TMEM163: variants seen among roughly 807,000 people sequenced by gnomAD.
TMEM163 encodes the protein transmembrane protein 163.
TMEM163 carries 17 observed loss-of-function variants against 29.3 expected under a neutral mutation model. The observed-to-expected ratio is 0.58, with a 90% CI of 0.40 to 0.87. TMEM163 has a LOEUF of 0.87. Among genes scored for constraint, TMEM163 ranks in the 40% least tolerant of loss-of-function variants. TMEM163 has a pLI of 0.00. For missense variants in TMEM163, 303 were observed against 381.5 expected, an observed-to-expected ratio of 0.79 and a Z score of 1.71; for synonymous variants, 157 against 160.6, an observed-to-expected ratio of 0.98 and a Z score of 0.17.
chr2:134,658,035 T>A (rs1188245539), intron 2 of TMEM163, among the ~76,000 whole-genome samples: 1 of 152,106 alleles, frequency 6.6e-6, no homozygotes, highest in African/African-American at 2.4e-5. Context: ...AAATAAACAT[T>A]TGCTTTAGAA....
At chr2:134,660,174 C>T (rs1207567103) in intron 2 of TMEM163, among the ~76,000 whole-genome samples, 3 of 151,976 alleles carry the variant, frequency 2.0e-5, no homozygotes, top group African/African-American at 7.3e-5. Flanking sequence ...CACCCAGATG[C>T]CATGGTGGAG....
chr2:134,714,601 A>G (rs1684998787), intron 1 of TMEM163, among the ~76,000 whole-genome samples: 2 of 152,220 alleles, frequency 1.3e-5, no homozygotes, highest in Non-Finnish European at 2.9e-5. Flanking sequence ...AAAACAAGCC[A>G]GAATGTCAAG....
At chr2:134,666,218 T>C (rs1300974831) in intron 2 of TMEM163, among the ~76,000 whole-genome samples, 1 of 151,942 alleles carries the variant, frequency 6.6e-6, no homozygotes, top group Non-Finnish European at 1.5e-5. Context: ...GACTTCTGCC[T>C]GCCTTTCCTC....
chr2:134,505,831 A>T (rs1248272593), intron 4 of TMEM163, among the ~76,000 whole-genome samples: 1 of 152,208 alleles, frequency 6.6e-6, no homozygotes, highest in African/African-American at 2.4e-5. Context: ...AGGGCTTCGT[A>T]GGTAATTTAT....
At chr2:134,682,009 A>G (rs1684258794) in intron 2 of TMEM163, among the ~76,000 whole-genome samples, 1 of 152,176 alleles carries the variant, frequency 6.6e-6, no homozygotes, top group Non-Finnish European at 1.5e-5. Context: ...GCCTAAGAAA[A>G]CAAATACAGA....
chr2:134,461,968 T>C (rs583446), intron 6 of TMEM163, among the ~76,000 whole-genome samples: 93,334 of 152,164 alleles, frequency 0.61, 30,722 homozygotes, highest in East Asian at 0.82. Context: ...AAGATAATTA[T>C]AGATCGCTCC....
At chr2:134,669,059 C>G (rs962811750) in intron 2 of TMEM163, among the ~76,000 whole-genome samples, 6 of 152,214 alleles carry the variant, frequency 3.9e-5, no homozygotes, top group African/African-American at 1.4e-4. Context: ...GCAGAGGCAT[C>G]TGTGAGAGCA....
chr2:134,491,401 C>T (rs1215423042), intron 5 of TMEM163, among the ~76,000 whole-genome samples: 1 of 152,124 alleles, frequency 6.6e-6, no homozygotes, highest in Non-Finnish European at 1.5e-5. Flanking sequence ...GTGGAAAAGT[C>T]CTAGACTTGG....
chr2:134,558,821 C>G (rs1681104155), intron 2 of TMEM163, among the ~76,000 whole-genome samples: 2 of 152,180 alleles, frequency 1.3e-5, no homozygotes, highest in Admixed American at 1.3e-4. Context: ...TTCAGCAATG[C>G]CCCCAGGCCC....
intron 2 of TMEM163, among the ~76,000 whole-genome samples, chr2:134,603,483 C>A (rs753466239): frequency 2.0e-5 from 3 of 152,174 alleles, no homozygotes; most frequent in Non-Finnish European, 4.4e-5. Flanking sequence ...ACTCTCTGTC[C>A]TGGGCACGTT....
rs1681683760 is a variant in TMEM163 at position 134,581,216 on chromosome 2, C to CT, written c.323-29126dup. ...CCATTTCTGGTTAACCTTGATCTTC[C>CT]TTTTTTTTCTTTTTTAAACCAAGCT... is the stretch of plus-strand genomic sequence containing the variant. On this transcript the variant is annotated intron_variant, in intron 2 of 7. Transcript: ENST00000281924. Among the ~76,000 whole-genome samples, 3 of 151,996 alleles carry CT rather than the reference C, an allele frequency of 2.0e-5. No individual in the cohort carries two copies. In the South Asian group the frequency reaches 6.3e-4, roughly 32 times the overall value.
At chr2:134,535,366 C>A (rs1680510515) in intron 4 of TMEM163, among the ~76,000 whole-genome samples, 1 of 152,142 alleles carries the variant, frequency 6.6e-6, no homozygotes, top group Admixed American at 6.5e-5. Context: ...AACACAAAAG[C>A]AAATAGAGAC....
chr2:134,636,123 C>G (rs1558972704), intron 2 of TMEM163, among the ~76,000 whole-genome samples: 1 of 152,152 alleles, frequency 6.6e-6, no homozygotes. Flanking sequence ...ACATGTGGAC[C>G]AAGGGTCTGC....
At chr2:134,549,330 T>C (rs1481122172) in intron 4 of TMEM163, among the ~76,000 whole-genome samples, 1 of 152,236 alleles carries the variant, frequency 6.6e-6, no homozygotes, top group Admixed American at 6.5e-5. Context: ...TGTTGGAATA[T>C]GGCCTAACAT....
rs1482939955 is a variant in TMEM163 at position 134,713,265 on chromosome 2, T to C, written c.257A>G (p.Lys86Arg). ...GAACCAGGACACCCACAATGCCTTC[T>C]TCCTGTAGTTCTGGGCTTCGTGAGG... ...LKPHEAQNYR[K>R]KALWVSWFSI... The change falls in exon 2 of 8, where the codon AAG (lysine) becomes AGG (arginine). Residue 86 changes from lysine to arginine, a missense_variant. Transcript: ENST00000281924. 1.2e-6 allele frequency: 2 copies of C among 1,614,152 alleles called. No individual in the cohort carries two copies. The highest frequency in any genetic ancestry group is 1.7e-6 in the Non-Finnish European group (2 of 1,180,016).
At chr2:134,463,263 A>G (rs1383899452) in intron 6 of TMEM163, among the ~76,000 whole-genome samples, 1 of 152,186 alleles carries the variant, frequency 6.6e-6, no homozygotes, top group East Asian at 1.9e-4. Context: ...GGAGGTCCCA[A>G]CCCAAACCCC....
intron 2 of TMEM163, among the ~76,000 whole-genome samples, chr2:134,571,756 T>C (rs1434275035): frequency 1.3e-5 from 2 of 152,164 alleles, no homozygotes; most frequent in Non-Finnish European, 2.9e-5. Context: ...TTAATTCCTC[T>C]AGCATCAAGT....
intron 2 of TMEM163, among the ~76,000 whole-genome samples, chr2:134,576,044 G>A (rs1681547928): frequency 6.6e-6 from 1 of 152,146 alleles, no homozygotes; most frequent in Non-Finnish European, 1.5e-5. Flanking sequence ...AGGATTTGAA[G>A]GTGCAGGGCT....
chr2:134,560,232 ATTATC>A (rs1681138478), intron 2 of TMEM163, among the ~76,000 whole-genome samples: 1 of 151,996 alleles, frequency 6.6e-6, no homozygotes, highest in African/African-American at 2.4e-5. Context: ...CATCTACCAC[ATTATC>A]TTATGTACTT....
Sources: gnomAD v4.1 joint callset for allele counts (sites outside exome capture counted in the v4.1 genomes callset) on GRCh38, gnomAD v4.1.1 for gene constraint, MANE v1.5 for transcripts, NCBI Gene and HGNC (gene_info 2026-07-23, HGNC 2026-07-21) for gene names.